SCAMP1: variants seen among roughly 807,000 people sequenced by gnomAD.
The protein encoded by SCAMP1 is secretory carrier-associated membrane protein 1.
In SCAMP1, 15 loss-of-function variants were observed where a neutral mutation model predicts 41.8. The ratio of observed to expected loss-of-function variants is 0.36; its 90% CI spans 0.24 to 0.55. The LOEUF (loss-of-function observed/expected upper bound fraction) is 0.55. SCAMP1 is among the 20% of genes least tolerant of loss of function. The pLI, the probability that SCAMP1 is intolerant of heterozygous loss-of-function variation, is 0.86. For synonymous variants in SCAMP1, 135 were observed against 136.8 expected (o/e 0.99, Z 0.09); for missense variants, 341 against 412.6 (o/e 0.83, Z 1.50).
intron 2 of SCAMP1, among the ~76,000 whole-genome samples, chr5:78,401,904 AC>A (rs1234900501): frequency 6.6e-6 from 1 of 152,146 alleles, no homozygotes; most frequent in Non-Finnish European, 1.5e-5. Context: ...TAATTTCCTA[AC>A]ATGGAAACTT....
At chr5:78,446,467 G>A (rs1444174724) in intron 6 of SCAMP1, among the ~76,000 whole-genome samples, 1 of 151,700 alleles carries the variant, frequency 6.6e-6, no homozygotes, top group Non-Finnish European at 1.5e-5. Flanking sequence ...TAATAGTCTG[G>A]TTTCTTGGCA....
intron 3 of SCAMP1, 64 bp from the exon 4 acceptor site, chr5:78,416,477 A>T: frequency 8.3e-7 from 1 of 1,210,478 alleles, no homozygotes; most frequent in South Asian, 1.4e-5. Context: ...AGGAGTTAGC[A>T]TATAAATGTT....
intron 2 of SCAMP1, among the ~76,000 whole-genome samples, chr5:78,402,780 A>C (rs1396076479): frequency 6.6e-6 from 1 of 151,732 alleles, no homozygotes; most frequent in East Asian, 1.9e-4. Flanking sequence ...TTGATGTTCA[A>C]AGTGATTATT....
At chr5:78,396,519 CAT>C (rs1053616673) in intron 2 of SCAMP1, among the ~76,000 whole-genome samples, 3 of 152,164 alleles carry the variant, frequency 2.0e-5, no homozygotes, top group African/African-American at 4.8e-5. Flanking sequence ...TCCAGATAGA[CAT>C]GTTTAGTAAG....
chr5:78,421,492 G>A (rs1032483662), intron 5 of SCAMP1, among the ~76,000 whole-genome samples: 2 of 152,118 alleles, frequency 1.3e-5, no homozygotes, highest in Admixed American at 6.5e-5. Flanking sequence ...GAGACATCAC[G>A]TTTCCTTTTC....
Position 78,476,160 on chromosome 5 carries a change from A to C in SCAMP1, c.*492A>C, listed in dbSNP as rs1206743690. 1.3e-5 allele frequency: 2 copies of C among 152,736 alleles called. No individual in the cohort carries two copies. The highest frequency in any genetic ancestry group is 3.9e-4 in the East Asian group (2 of 5,188). The allele number at this position is 152,736 out of a possible 1,614,324, so 9.5% of individuals were successfully genotyped here. ...TTTTAGCTGTTTCAGTCACCAGTGA[A>C]GAGCCTATGTGCATTTTGTAGTAGA... On this transcript the variant is annotated 3_prime_UTR_variant, in exon 9 of 9. Transcript: ENST00000621999.
Position 78,480,358 on chromosome 5 carries a change from T to C in SCAMP1, c.*4690T>C, listed in dbSNP as rs1279790440. ...AGTTCTAGTTTGTAGAATAATACCA[T>C]ACAAGTTTTATTTTTAAATTCTAGT... is the stretch of plus-strand genomic sequence containing the variant. On this transcript the variant is annotated 3_prime_UTR_variant, in exon 9 of 9. Transcript: ENST00000621999. Among the ~76,000 whole-genome samples, 1 of 152,232 alleles carries C rather than the reference T, an allele frequency of 6.6e-6. No individual in the cohort carries two copies. Among genetic ancestry groups the C allele is most frequent in the Admixed American group, 6.5e-5 (1 of 15,292 alleles).
At chr5:78,386,057 A>T (rs1751332411) in intron 1 of SCAMP1, among the ~76,000 whole-genome samples, 1 of 152,152 alleles carries the variant, frequency 6.6e-6, no homozygotes, top group Non-Finnish European at 1.5e-5. Context: ...AGAGTATTGA[A>T]GTCCCCCACT....
At chr5:78,435,708 T>C (rs1752736050) in intron 6 of SCAMP1, among the ~76,000 whole-genome samples, 2 of 152,148 alleles carry the variant, frequency 1.3e-5, no homozygotes, top group South Asian at 4.1e-4. Context: ...GTCTTTATAG[T>C]AGCATGATTT....
intron 8 of SCAMP1, among the ~76,000 whole-genome samples, chr5:78,467,816 A>G (rs1055655087): frequency 2.0e-5 from 3 of 152,198 alleles, no homozygotes; most frequent in African/African-American, 7.2e-5. Flanking sequence ...GCTGTAATAG[A>G]AATTAAGATC....
chr5:78,417,667 G>C (rs1393735364), intron 4 of SCAMP1, among the ~76,000 whole-genome samples: 1 of 152,130 alleles, frequency 6.6e-6, no homozygotes, highest in Non-Finnish European at 1.5e-5. Flanking sequence ...TACAGATATG[G>C]AAACTAAGGC....
intron 2 of SCAMP1, among the ~76,000 whole-genome samples, chr5:78,412,636 ATGAT>A (rs2112130964): frequency 6.6e-6 from 1 of 152,216 alleles, no homozygotes; most frequent in East Asian, 1.9e-4. Flanking sequence ...GAAATGATAT[ATGAT>A]TGTTTTTGCA....
At chr5:78,453,011 C>T (rs1460844361) in intron 7 of SCAMP1, among the ~76,000 whole-genome samples, 132 of 147,224 alleles carry the variant, frequency 9.0e-4, no homozygotes, top group African/African-American at 2.7e-3. Context: ...TCATGTCCTT[C>T]GCCCACTTTT....
intron 2 of SCAMP1, among the ~76,000 whole-genome samples, chr5:78,413,566 C>T (rs1752135131): frequency 6.6e-6 from 1 of 151,956 alleles, no homozygotes; most frequent in Non-Finnish European, 1.5e-5. Context: ...TACAGGTGCA[C>T]ACCACCATGC....
At chr5:78,389,398 C>G (rs1751430586) in intron 2 of SCAMP1, among the ~76,000 whole-genome samples, 1 of 152,076 alleles carries the variant, frequency 6.6e-6, no homozygotes, top group African/African-American at 2.4e-5. Flanking sequence ...ACTAGGAAAG[C>G]ATATTTTTCC....
At chr5:78,419,021 A>G (rs1752274804) in intron 5 of SCAMP1, 118 bp downstream of exon 5, 2 of 828,352 alleles carry the variant, frequency 2.4e-6, no homozygotes, top group African/African-American at 3.6e-5. Context: ...GATAAAGCTT[A>G]ATAATCATGA....
intron 7 of SCAMP1, among the ~76,000 whole-genome samples, chr5:78,457,178 C>G (rs1443738284): frequency 6.6e-6 from 1 of 151,948 alleles, no homozygotes; most frequent in African/African-American, 2.4e-5. Context: ...GCCTTCTTCT[C>G]TCAACTCGTC....
At chr5:78,402,856 G>C (rs565586340) in intron 2 of SCAMP1, among the ~76,000 whole-genome samples, 3 of 151,458 alleles carry the variant, frequency 2.0e-5, no homozygotes, top group Non-Finnish European at 4.4e-5. Flanking sequence ...TGTTCTTTTT[G>C]TCTTCTACTC....
intron 1 of SCAMP1, among the ~76,000 whole-genome samples, chr5:78,384,543 G>A (rs1751295667): frequency 6.6e-6 from 1 of 152,044 alleles, no homozygotes; most frequent in South Asian, 2.1e-4. Context: ...AGTTCCTAAG[G>A]GCAATGCTTT....
Sources: gnomAD v4.1 joint callset for allele counts (sites outside exome capture counted in the v4.1 genomes callset) on GRCh38, gnomAD v4.1.1 for gene constraint, MANE v1.5 for transcripts, NCBI Gene and HGNC (gene_info 2026-07-23, HGNC 2026-07-21) for gene names.